The following SCMH1 variants were observed in gnomAD, a reference collection of about 807,000 sequenced individuals.
SCMH1 encodes polycomb protein SCMH1.
SCMH1 carries 37 observed loss-of-function variants against 70.8 expected under a neutral mutation model. The ratio of observed to expected loss-of-function variants is 0.52; its 90% CI spans 0.40 to 0.69. The LOEUF (loss-of-function observed/expected upper bound fraction) is 0.69, where lower values mean the gene tolerates loss of function less well. Ranked by LOEUF, SCMH1 falls within the 30% of genes least tolerant of loss-of-function variation. The pLI is 0.00. For synonymous variants in SCMH1, 292 were observed against 307.4 expected, an observed-to-expected ratio of 0.95 and a Z score of 0.52; for missense variants, 607 against 827.3, an observed-to-expected ratio of 0.73 and a Z score of 3.27.
At position 41,080,771 on chromosome 1, in the gene SCMH1, G is replaced by T. The variant is rs1048516878; in HGVS notation, c.746-5320C>A. On this transcript the variant is annotated intron_variant, in intron 8 of 14. Transcript: ENST00000337495. Reference sequence around the variant, plus strand: ...CTAGGAATAAAAGAGAATTTCCTTAGTCTAGATAAACGCATCTATAAAAAA... The same window carrying T: ...CTAGGAATAAAAGAGAATTTCCTTATTCTAGATAAACGCATCTATAAAAAA... Among the ~76,000 whole-genome samples the T allele has an allele frequency of 8.5e-4, 130 of 152,132 alleles. 1 individual carries two copies. The highest frequency in any genetic ancestry group is 2.7e-3 in the African/African-American group (113 of 41,540).
At chr1:41,090,507 G>A (rs951197928) in intron 8 of SCMH1, among the ~76,000 whole-genome samples, 1 of 151,398 alleles carries the variant, frequency 6.6e-6, no homozygotes, top group African/African-American at 2.4e-5. Flanking sequence ...TCAGGTAATT[G>A]TGGATATTCT....
chr1:41,049,202 T>C (rs1345979376), intron 10 of SCMH1, among the ~76,000 whole-genome samples: 2 of 152,192 alleles, frequency 1.3e-5, no homozygotes, highest in Non-Finnish European at 2.9e-5. Flanking sequence ...AATTCCCCTC[T>C]TGTACGTACT....
At chr1:41,146,340 G>A (rs1314836717) in intron 5 of SCMH1, among the ~76,000 whole-genome samples, 2 of 151,978 alleles carry the variant, frequency 1.3e-5, no homozygotes, top group Non-Finnish European at 2.9e-5. Flanking sequence ...TTTACAGTAA[G>A]CTAAGGTTAA....
At chr1:41,151,386 G>A (rs1645062262) in intron 5 of SCMH1, among the ~76,000 whole-genome samples, 1 of 152,198 alleles carries the variant, frequency 6.6e-6, no homozygotes, top group Non-Finnish European at 1.5e-5. Context: ...CCTCAAGGAG[G>A]TAAAGAAGGA....
intron 2 of SCMH1, among the ~76,000 whole-genome samples, chr1:41,162,411 C>T (rs1433527812): frequency 6.6e-6 from 1 of 152,142 alleles, no homozygotes. Flanking sequence ...GGCTGAACTG[C>T]CAGTCCTGCA....
chr1:41,028,184 C>G (rs374698473), exon 15 of SCMH1: 5 of 1,614,062 alleles, frequency 3.1e-6, no homozygotes, highest in African/African-American at 1.3e-5. Flanking sequence ...TCTAGGCTGC[C>G]TCTCCTGGTT....
chr1:41,110,945 T>C (rs1669107043), intron 8 of SCMH1, among the ~76,000 whole-genome samples: 1 of 152,180 alleles, frequency 6.6e-6, no homozygotes, highest in Non-Finnish European at 1.5e-5. Context: ...CTCAGCAACA[T>C]TTGTTATTAT....
chr1:41,163,005 T>C (rs1211648500), intron 2 of SCMH1: 2 of 152,266 alleles, frequency 1.3e-5, no homozygotes, highest in Non-Finnish European at 2.9e-5. Context: ...GGCTGAAATA[T>C]GCCCCCTGCT....
intron 8 of SCMH1, among the ~76,000 whole-genome samples, chr1:41,105,555 A>AT (rs1346924381): frequency 6.6e-6 from 1 of 152,206 alleles, no homozygotes; most frequent in African/African-American, 2.4e-5. Flanking sequence ...TTAGCTCCTC[A>AT]TAAATACTTA....
intron 2 of SCMH1, among the ~76,000 whole-genome samples, chr1:41,169,217 T>C (rs1045391582): frequency 4.6e-5 from 7 of 152,180 alleles, no homozygotes; most frequent in Non-Finnish European, 7.3e-5. Context: ...ACTTGAGACA[T>C]GACGAAACTC....
At chr1:41,114,191 G>A (rs1480020812) in intron 7 of SCMH1, among the ~76,000 whole-genome samples, 1 of 152,070 alleles carries the variant, frequency 6.6e-6, no homozygotes, top group East Asian at 1.9e-4. Flanking sequence ...CTGAATTCCT[G>A]GGTTATAGGG....
intron 6 of SCMH1, among the ~76,000 whole-genome samples, chr1:41,122,752 CTT>C (rs1163071489): frequency 6.6e-6 from 1 of 152,200 alleles, no homozygotes; most frequent in African/African-American, 2.4e-5. Context: ...AGTCAGATCT[CTT>C]TTAATTCCAA....
At chr1:41,189,505 A>G (rs1466708802) in intron 1 of SCMH1, among the ~76,000 whole-genome samples, 1 of 152,076 alleles carries the variant, frequency 6.6e-6, no homozygotes, top group Non-Finnish European at 1.5e-5. Flanking sequence ...TCCTTCATTT[A>G]CTTTTACTTT....
Position 41,212,858 on chromosome 1 carries a change from A to G in SCMH1, c.-117-26608T>C, listed in dbSNP as rs576161247. On this transcript the variant is annotated intron_variant, in intron 1 of 14. Transcript: ENST00000337495. ...CATACTTTATTCCAGCTTGGGCAAC[A>G]AAGTGAGACTCTGTCTGGAGGGAAA... is the stretch of plus-strand genomic sequence containing the variant. Among the ~76,000 whole-genome samples, 4 of 152,330 alleles carry G rather than the reference A, an allele frequency of 2.6e-5. No homozygotes were observed. The South Asian group carries it at 8.3e-4, about 32-fold the overall frequency.
Position 41,167,202 on chromosome 1 carries a change from T to A in SCMH1, c.14-5770A>T, listed in dbSNP as rs1646465988. 2.6e-5 allele frequency among the ~76,000 whole-genome samples: 4 copies of A among 152,164 alleles called. No individual in the cohort carries two copies. The South Asian group carries it at 8.3e-4, about 31-fold the overall frequency. On this transcript the variant is annotated intron_variant, in intron 2 of 14. Coordinates refer to ENST00000337495, the Ensembl canonical transcript of SCMH1. ...CCACTTAATCATGGTGAATGATCCT[T>A]TTAATATACTACGGAATATGGTTTC...
chr1:41,106,793 G>A (rs1192074824), intron 8 of SCMH1, among the ~76,000 whole-genome samples: 2 of 151,704 alleles, frequency 1.3e-5, no homozygotes, highest in African/African-American at 4.9e-5. Context: ...AGGTTCAAGC[G>A]ATTCTCCTGC....
At chr1:41,076,519 G>C (rs1331846448) in intron 8 of SCMH1, among the ~76,000 whole-genome samples, 2 of 152,134 alleles carry the variant, frequency 1.3e-5, no homozygotes, top group African/African-American at 2.4e-5. Context: ...CCTAGTGAGA[G>C]AGAAAGAAAA....
intron 6 of SCMH1, among the ~76,000 whole-genome samples, chr1:41,140,549 C>G (rs1643963188): frequency 1.3e-5 from 2 of 152,082 alleles, no homozygotes; most frequent in African/African-American, 4.8e-5. Context: ...CCTCGGCCTC[C>G]CAAAGTGCTG....
intron 12 of SCMH1, among the ~76,000 whole-genome samples, chr1:41,040,228 T>C (rs1645944618): frequency 6.6e-6 from 1 of 152,204 alleles, no homozygotes; most frequent in Admixed American, 6.5e-5. Context: ...ACAGCCACTA[T>C]ACTAGTTATG....
Sources: allele counts gnomAD v4.1 joint callset (sites outside exome capture counted in the v4.1 genomes callset), GRCh38; gene constraint gnomAD v4.1.1; transcripts MANE v1.5; gene names NCBI Gene and HGNC (gene_info 2026-07-23, HGNC 2026-07-21).